MTUS1: variants seen among roughly 807,000 people sequenced by gnomAD.
MTUS1 encodes microtubule-associated tumor suppressor 1.
In MTUS1, 109 loss-of-function variants were observed where a neutral mutation model predicts 120.8. The ratio of observed to expected loss-of-function variants is 0.90; its 90% CI spans 0.77 to 1.06. The LOEUF (loss-of-function observed/expected upper bound fraction) is 1.06, where lower values mean the gene tolerates loss of function less well. Among genes scored for constraint, MTUS1 ranks in the 50% least tolerant of loss-of-function variants. The pLI, the probability that MTUS1 is intolerant of heterozygous loss-of-function variation, is 0.00. For synonymous variants in MTUS1, 737 were observed against 550.5 expected (o/e 1.34, Z -4.74); for missense variants, 2,210 against 1,486.3 (o/e 1.49, Z -8.01).
At chr8:17,766,000 T>C (rs140193319) in intron 1 of MTUS1, among the ~76,000 whole-genome samples, 1 of 152,304 alleles carries the variant, frequency 6.6e-6, no homozygotes, top group African/African-American at 2.4e-5. Context: ...CTTTACATAC[T>C]ATAAATTATA....
At chr8:17,651,432 C>G (rs921716873) in intron 12 of MTUS1, among the ~76,000 whole-genome samples, 1 of 152,024 alleles carries the variant, frequency 6.6e-6, no homozygotes, top group African/African-American at 2.4e-5. Context: ...CTATGATTGT[C>G]TCAACACATC....
intron 8 of MTUS1, among the ~76,000 whole-genome samples, chr8:17,658,024 G>C (rs111808572): frequency 7.3e-4 from 102 of 140,510 alleles, no homozygotes; most frequent in African/African-American, 1.5e-3. Context: ...TATATATATA[G>C]ACACACACAC....
intron 6 of MTUS1, among the ~76,000 whole-genome samples, chr8:17,692,511 A>G (rs2130841045): frequency 6.6e-6 from 1 of 152,326 alleles, no homozygotes; most frequent in African/African-American, 2.4e-5. Context: ...CCATCTAAAA[A>G]GAGTCAAAAG....
chr8:17,719,153 G>C (rs182439878), intron 4 of MTUS1, among the ~76,000 whole-genome samples: 2 of 151,838 alleles, frequency 1.3e-5, no homozygotes, highest in African/African-American at 4.8e-5. Context: ...CTGGGCAACA[G>C]AGTGAGACTC....
intron 8 of MTUS1, among the ~76,000 whole-genome samples, chr8:17,656,411 C>T (rs1047220138): frequency 2.0e-5 from 3 of 151,818 alleles, no homozygotes; most frequent in African/African-American, 7.3e-5. Flanking sequence ...GCCTGTAATC[C>T]CAGCTACTCG....
At position 17,713,681 on chromosome 8, in the gene MTUS1, GA is replaced by G. The variant is rs532662096; in HGVS notation, c.2585-430del. On this transcript the variant is annotated intron_variant, in intron 5 of 14. Transcript: ENST00000693296. ...CTACCCGTTTCTATTCAGCTATGAA[GA>G]AAAATAGAAGTTTTTCCTCCAAACT... Among the ~76,000 whole-genome samples the G allele has an allele frequency of 2.2e-4, 34 of 152,242 alleles. No individual in the cohort carries two copies. The South Asian group carries it at 6.6e-3, about 30-fold the overall frequency.
At chr8:17,661,496 AC>A (rs1174101205) in intron 8 of MTUS1, among the ~76,000 whole-genome samples, 1 of 152,194 alleles carries the variant, frequency 6.6e-6, no homozygotes, top group African/African-American at 2.4e-5. Flanking sequence ...ATAGCAGACT[AC>A]CCTGGCTGAT....
intron 6 of MTUS1, among the ~76,000 whole-genome samples, chr8:17,704,509 T>A (rs1284218270): frequency 2.6e-5 from 4 of 152,202 alleles, no homozygotes; most frequent in Non-Finnish European, 5.9e-5. Flanking sequence ...GTTTTCCCAG[T>A]ACTATCTACA....
chr8:17,657,743 C>T (rs1808711243), intron 8 of MTUS1, among the ~76,000 whole-genome samples: 1 of 134,890 alleles, frequency 7.4e-6, no homozygotes, highest in African/African-American at 2.7e-5. Flanking sequence ...GGGAGGATCA[C>T]TTGAGCTCAG....
intron 12 of MTUS1, among the ~76,000 whole-genome samples, chr8:17,651,935 A>C (rs1323719361): frequency 6.6e-6 from 1 of 152,220 alleles, no homozygotes; most frequent in Non-Finnish European, 1.5e-5. Context: ...CTTCCTAAGA[A>C]TCTTCTAGAA....
At chr8:17,724,788 T>G (rs1020677765) in intron 3 of MTUS1, among the ~76,000 whole-genome samples, 1 of 152,208 alleles carries the variant, frequency 6.6e-6, no homozygotes, top group East Asian at 1.9e-4. Flanking sequence ...CATTGTCCTA[T>G]GCGGATGAAT....
intron 3 of MTUS1, among the ~76,000 whole-genome samples, chr8:17,737,529 C>T (rs995382993): frequency 6.6e-6 from 1 of 152,218 alleles, no homozygotes. Context: ...TGCCCTGTCA[C>T]CTAGCCTGAA....
intron 2 of MTUS1, among the ~76,000 whole-genome samples, chr8:17,749,659 CA>C (rs768210060): frequency 0.012 from 950 of 76,406 alleles, 3 homozygotes; most frequent in African/African-American, 0.028. Context: ...GAATCTGTCT[CA>C]AAAAAAAAAA....
intron 1 of MTUS1, among the ~76,000 whole-genome samples, chr8:17,794,078 A>G (rs1297145830): frequency 1.3e-5 from 2 of 152,214 alleles, no homozygotes; most frequent in Non-Finnish European, 1.5e-5. Context: ...CTGTAGTCCC[A>G]GCACTTTGGG....
At chr8:17,783,788 A>T (rs1254267069) in intron 1 of MTUS1, among the ~76,000 whole-genome samples, 1 of 152,174 alleles carries the variant, frequency 6.6e-6, no homozygotes, top group Non-Finnish European at 1.5e-5. Context: ...CTCAAAAAAC[A>T]ATTCAGTAAC....
intron 1 of MTUS1, among the ~76,000 whole-genome samples, chr8:17,757,746 C>T (rs757719067): frequency 3.3e-5 from 5 of 152,074 alleles, no homozygotes; most frequent in Admixed American, 6.6e-5. Context: ...AGGCTGGTCT[C>T]GAACTCCTGA....
Position 17,755,583 on chromosome 8 carries a change from C to A in MTUS1, c.225G>T (p.Gln75His). The A allele has an allele frequency of 6.2e-7, 1 of 1,614,112 alleles. No individual in the cohort carries two copies. Residue 75 changes from glutamine to histidine, a missense_variant, in exon 2 of 15, where the codon CAG becomes CAT. Coordinates refer to ENST00000693296, the MANE Select transcript of MTUS1 (RefSeq NM_001363059.2). ...VTGENISLSL[Q>H]GVEVFGHEKS... ...TTTCATGACCAAATACTTCAACACC[C>A]TGAAGGCTTAAAGAAATATTTTCAC...
chr8:17,725,066 A>T (rs2046125685), intron 3 of MTUS1, among the ~76,000 whole-genome samples: 1 of 151,822 alleles, frequency 6.6e-6, no homozygotes, highest in Non-Finnish European at 1.5e-5. Context: ...ATATAGCCCT[A>T]TTTTTTATTT....
At chr8:17,789,905 G>GT (rs1489988864) in intron 1 of MTUS1, among the ~76,000 whole-genome samples, 1 of 152,108 alleles carries the variant, frequency 6.6e-6, no homozygotes, top group Non-Finnish European at 1.5e-5. Flanking sequence ...TGAAACTGTG[G>GT]TTTTGTGAGG....
Sources: allele counts gnomAD v4.1 joint callset (sites outside exome capture counted in the v4.1 genomes callset), GRCh38; gene constraint gnomAD v4.1.1; transcripts MANE v1.5; gene names NCBI Gene and HGNC (gene_info 2026-07-23, HGNC 2026-07-21).